Variants in RELN observed in about 807,000 individuals in gnomAD.
RELN encodes reelin.
In RELN, 108 loss-of-function variants were observed where a neutral mutation model predicts 427.6. The ratio of observed to expected loss-of-function variants is 0.25; its 90% confidence interval spans 0.22 to 0.30. RELN has a LOEUF of 0.30. Among genes scored for constraint, RELN ranks in the 10% least tolerant of loss-of-function variants. The pLI, the probability that RELN is intolerant of heterozygous loss-of-function variation, is 1.00. For synonymous variants in RELN, 1,524 were observed against 1,513.4 expected, an observed-to-expected ratio of 1.01 and a Z score of -0.16; for missense variants, 3,715 against 4,302.8, an observed-to-expected ratio of 0.86 and a Z score of 3.82.
chr7:103,974,836 G>C (rs966640887), intron 1 of RELN, among the ~76,000 whole-genome samples: 5 of 152,140 alleles, frequency 3.3e-5, no homozygotes, highest in African/African-American at 1.2e-4. Context: ...ATACAAACTA[G>C]CTACCCATTC....
intron 4 of RELN, among the ~76,000 whole-genome samples, chr7:103,756,116 C>G (rs1200693036): frequency 1.3e-5 from 2 of 152,130 alleles, no homozygotes; most frequent in Non-Finnish European, 2.9e-5. Flanking sequence ...ACTTTGGTGA[C>G]TAAGGCCTCA....
chr7:103,808,801 A>G (rs1792663870), intron 3 of RELN, among the ~76,000 whole-genome samples: 1 of 152,148 alleles, frequency 6.6e-6, no homozygotes, highest in African/African-American at 2.4e-5. Context: ...TGGAAGATCT[A>G]TCCAGAATGT....
chr7:103,867,521 T>C (rs1250537762), intron 2 of RELN, among the ~76,000 whole-genome samples: 1 of 152,120 alleles, frequency 6.6e-6, no homozygotes, highest in Non-Finnish European at 1.5e-5. Context: ...CCTATGCAAC[T>C]ATTAAACTTA....
intron 4 of RELN, among the ~76,000 whole-genome samples, chr7:103,762,827 T>C (rs1367225779): frequency 6.6e-6 from 1 of 152,112 alleles, no homozygotes; most frequent in Non-Finnish European, 1.5e-5. Context: ...TGCTCTAAGA[T>C]AGATTTAAGG....
intron 24 of RELN, among the ~76,000 whole-genome samples, chr7:103,599,565 T>A (rs770679590): frequency 9.2e-5 from 14 of 152,128 alleles, no homozygotes; most frequent in Non-Finnish European, 1.3e-4. Flanking sequence ...CTTGGTATTG[T>A]GAGGATGAAA....
At chr7:103,586,543 A>G (rs554107719) in intron 28 of RELN, among the ~76,000 whole-genome samples, 2 of 152,122 alleles carry the variant, frequency 1.3e-5, no homozygotes, top group Non-Finnish European at 2.9e-5. Context: ...AAAGCAGTCA[A>G]GCAAGAGAAA....
At chr7:103,680,177 GAGA>G (rs1833622874) in intron 11 of RELN, among the ~76,000 whole-genome samples, 1 of 152,056 alleles carries the variant, frequency 6.6e-6, no homozygotes. Context: ...GGCACACACA[GAGA>G]AGGAGAGAGA....
intron 25 of RELN, 45 bp from the exon 26 acceptor site, chr7:103,594,537 G>C (rs1831494171): frequency 1.3e-6 from 2 of 1,540,014 alleles, no homozygotes; most frequent in Non-Finnish European, 1.8e-6. Context: ...CAAAAGCTGT[G>C]CTTTTTTTTT....
chr7:103,809,695 C>G (rs1330797294), intron 3 of RELN, among the ~76,000 whole-genome samples: 1 of 152,122 alleles, frequency 6.6e-6, no homozygotes, highest in Non-Finnish European at 1.5e-5. Flanking sequence ...ACATAATCAG[C>G]ATTGTAGACC....
chr7:103,944,123 T>C (rs932058085), intron 1 of RELN, among the ~76,000 whole-genome samples: 1 of 152,122 alleles, frequency 6.6e-6, no homozygotes, highest in Non-Finnish European at 1.5e-5. Context: ...TGCAGGCGAA[T>C]GGAGAAAAAA....
rs113683834 is a variant in RELN at position 103,899,664 on chromosome 7, C to T, written c.337+17411G>A. Among the ~76,000 whole-genome samples, 398 of 152,000 alleles carry T rather than the reference C, an allele frequency of 2.6e-3. 1 individual carries two copies. Among genetic ancestry groups the T allele is most frequent in the African/African-American group, 9.2e-3 (382 of 41,526 alleles). ...TACACAACATACACAAATTAATAAA[C>T]GTAATCCATCACATAAACAGAACCA... On this transcript the variant is annotated intron_variant, in intron 2 of 64. Coordinates refer to ENST00000428762, the MANE Select transcript of RELN (RefSeq NM_005045.4).
intron 20 of RELN, among the ~76,000 whole-genome samples, chr7:103,627,186 C>T (rs190584614): frequency 1.1e-4 from 17 of 152,050 alleles, no homozygotes; most frequent in Admixed American, 6.5e-4. Context: ...TTCAAAATTT[C>T]CCTTGAGAGA....
Position 103,494,365 on chromosome 7 carries a change from T to TTGTGTGTGTGTGTGTGTGTGTG in RELN, c.9369+1336_9369+1357dup, listed in dbSNP as rs58533286. On this transcript the variant is annotated intron_variant, in intron 57 of 64. Coordinates refer to ENST00000428762, the MANE Select transcript of RELN (RefSeq NM_005045.4). ...ATACAATACATTTCTGTAATGACTT[T>TTGTGTGTGTGTGTGTGTGTGTG]TGTGTGTGTGTGTGTGTGTGTGTGT... 1.0e-3 allele frequency among the ~76,000 whole-genome samples: 119 copies of TTGTGTGTGTGTGTGTGTGTGTG among 118,302 alleles called. 2 individuals are homozygous for TTGTGTGTGTGTGTGTGTGTGTG. Among genetic ancestry groups the TTGTGTGTGTGTGTGTGTGTGTG allele is most frequent in the African/African-American group, 3.3e-3 (97 of 29,594 alleles). The allele number at this position is 118,302 out of a possible 152,430, so 77.6% of individuals were successfully genotyped here.
At position 103,834,429 on chromosome 7, in the gene RELN, T is replaced by C. The variant is rs562846504; in HGVS notation, c.338-757A>G. Reference sequence around the variant, plus strand: ...ATAACATCACAGTTGTAAAGTGGTCTTGTCTAATGTTGATGTTCTGTGACT... The same window carrying C: ...ATAACATCACAGTTGTAAAGTGGTCCTGTCTAATGTTGATGTTCTGTGACT... On this transcript the variant is annotated intron_variant, in intron 2 of 64. Coordinates refer to ENST00000428762, the MANE Select transcript of RELN (RefSeq NM_005045.4). 7.9e-5 allele frequency among the ~76,000 whole-genome samples: 12 copies of C among 152,336 alleles called. No homozygotes were observed. The South Asian group carries it at 2.3e-3, about 29-fold the overall frequency.
intron 2 of RELN, among the ~76,000 whole-genome samples, chr7:103,863,261 T>C (rs935249075): frequency 1.3e-5 from 2 of 152,296 alleles, no homozygotes; most frequent in African/African-American, 2.4e-5. Flanking sequence ...ATAATCATTA[T>C]AGTATCTTCA....
At chr7:103,870,473 A>G (rs751435011) in intron 2 of RELN, among the ~76,000 whole-genome samples, 1 of 151,892 alleles carries the variant, frequency 6.6e-6, no homozygotes, top group Non-Finnish European at 1.5e-5. Context: ...ATGCCCAGTG[A>G]ATTTCCTAGG....
At chr7:103,768,313 A>G (rs975754113) in intron 4 of RELN, among the ~76,000 whole-genome samples, 8 of 152,276 alleles carry the variant, frequency 5.3e-5, no homozygotes, top group African/African-American at 1.7e-4. Flanking sequence ...ACACGACAGC[A>G]GAATGCAGAT....
intron 11 of RELN, among the ~76,000 whole-genome samples, chr7:103,669,396 A>G (rs1833341591): frequency 6.6e-6 from 1 of 152,156 alleles, no homozygotes; most frequent in African/African-American, 2.4e-5. Flanking sequence ...TCATTCTTTC[A>G]TGAATTTGTG....
chr7:103,912,408 A>T (rs1259111142), intron 2 of RELN, among the ~76,000 whole-genome samples: 1 of 151,560 alleles, frequency 6.6e-6, no homozygotes, highest in Non-Finnish European at 1.5e-5. Flanking sequence ...CTGGTCTTGA[A>T]CTCCTGACCT....
Sources: allele counts gnomAD v4.1 joint callset (sites outside exome capture counted in the v4.1 genomes callset), GRCh38; gene constraint gnomAD v4.1.1; transcripts MANE v1.5; gene names NCBI Gene and HGNC (gene_info 2026-07-23, HGNC 2026-07-21).